Variants in NKAIN2 observed in about 807,000 individuals in gnomAD.
NKAIN2 encodes the protein sodium/potassium transporting ATPase interacting 2, also known as sodium/potassium-transporting ATPase subunit beta-1-interacting protein 2.
A neutral mutation model predicts 32.6 loss-of-function variants in NKAIN2; 14 were observed. The ratio of observed to expected loss-of-function variants is 0.43; its 90% CI spans 0.28 to 0.67. NKAIN2 has a LOEUF of 0.67. Ranked by LOEUF, NKAIN2 falls within the 30% of genes least tolerant of loss-of-function variation. The pLI, the probability that NKAIN2 is intolerant of heterozygous loss-of-function variation, is 0.17. For missense variants in NKAIN2, 198 were observed against 258.3 expected (o/e 0.77, Z 1.60); for synonymous variants, 80 against 87.2 (o/e 0.92, Z 0.46).
At chr6:124,094,375 A>T (rs1784562375) in intron 1 of NKAIN2, among the ~76,000 whole-genome samples, 1 of 152,152 alleles carries the variant, frequency 6.6e-6, no homozygotes, top group African/African-American at 2.4e-5. Context: ...TGAAGTTAAT[A>T]TTTAATGTAA....
chr6:124,283,143 G>GT lies in NKAIN2; in HGVS notation c.192+2dup. The GT allele has an allele frequency of 6.3e-7, 1 of 1,599,470 alleles. No homozygotes were observed. Among genetic ancestry groups the GT allele is most frequent in the Non-Finnish European group, 8.6e-7 (1 of 1,167,036 alleles). The stretch of plus-strand genomic sequence containing the variant: ...ATATAGACCTCGTTACATAACAGGA[G>GT]TAAGTACATTTTCTGCCTTTTAAAA... On this transcript the variant is annotated splice_donor_variant, in intron 2 of 6. Coordinates refer to ENST00000368417, the MANE Select transcript of NKAIN2 (RefSeq NM_001040214.3). LOFTEE classifies it high-confidence loss of function.
intron 1 of NKAIN2, among the ~76,000 whole-genome samples, chr6:124,047,299 T>C (rs1782185541): frequency 6.6e-6 from 1 of 152,042 alleles, no homozygotes; most frequent in Non-Finnish European, 1.5e-5. Flanking sequence ...TTGCCACAAA[T>C]AACTATTTAG....
intron 1 of NKAIN2, among the ~76,000 whole-genome samples, chr6:123,969,688 A>C (rs567795486): frequency 5.6e-4 from 86 of 152,246 alleles, no homozygotes; most frequent in African/African-American, 1.9e-3. Flanking sequence ...AACAGAATCC[A>C]CTCTGGATAC....
At chr6:123,926,325 T>A (rs1218601992) in intron 1 of NKAIN2, among the ~76,000 whole-genome samples, 2 of 152,214 alleles carry the variant, frequency 1.3e-5, no homozygotes, top group Admixed American at 1.3e-4. Context: ...AGCTGTCTTC[T>A]GGACACTACT....
rs146094908 is a variant in NKAIN2 at position 123,865,572 on chromosome 6, A to G, written c.54+61318A>G. ...TTATTTTTGTTATATGTTTTATTCTATGTGTAAACTAAAATATTTCCAAAT... is the reference window on the plus strand; with the variant it reads ...TTATTTTTGTTATATGTTTTATTCTGTGTGTAAACTAAAATATTTCCAAAT... On this transcript the variant is annotated intron_variant, in intron 1 of 6. Coordinates refer to ENST00000368417, the MANE Select transcript of NKAIN2 (RefSeq NM_001040214.3). Among the ~76,000 whole-genome samples, 254 of 152,310 alleles carry G rather than the reference A, an allele frequency of 1.7e-3. 2 individuals are homozygous for G. Among genetic ancestry groups the G allele is most frequent in the African/African-American group, 5.8e-3 (240 of 41,578 alleles).
In NKAIN2 at chr6:124,330,432, C is replaced by A. The variant is rs572166517; in HGVS notation, c.193-24835C>A. On this transcript the variant is annotated intron_variant, in intron 2 of 6. Transcript: ENST00000368417. The stretch of plus-strand genomic sequence containing the variant: ...CAATTCAGTAGCAATAGAAGCTGAT[C>A]CCATGTAGAGCACTGAAGCTGGGCT... Among the ~76,000 whole-genome samples the A allele has an allele frequency of 2.6e-5, 4 of 152,246 alleles. No homozygotes were observed. In the South Asian group the frequency reaches 8.3e-4, roughly 32 times the overall value.
intron 1 of NKAIN2, among the ~76,000 whole-genome samples, chr6:124,129,217 A>G (rs551767884): frequency 3.9e-5 from 6 of 152,308 alleles, no homozygotes; most frequent in African/African-American, 1.4e-4. Context: ...CTTTTTGTCA[A>G]GAGTTGAAAA....
chr6:124,325,184 A>G (rs1240861626), intron 2 of NKAIN2, among the ~76,000 whole-genome samples: 2 of 152,132 alleles, frequency 1.3e-5, no homozygotes, highest in Admixed American at 6.5e-5. Flanking sequence ...TCAGGCTCAG[A>G]CAATTGCACT....
At chr6:124,165,367 C>T (rs919828467) in intron 1 of NKAIN2, among the ~76,000 whole-genome samples, 7 of 151,970 alleles carry the variant, frequency 4.6e-5, no homozygotes, top group Non-Finnish European at 8.8e-5. Context: ...AAAACTTCTA[C>T]TAGTGAGAAA....
chr6:124,155,581 T>A (rs1562390262), intron 1 of NKAIN2, among the ~76,000 whole-genome samples: 1 of 151,710 alleles, frequency 6.6e-6, no homozygotes, highest in Non-Finnish European at 1.5e-5. Flanking sequence ...AAAACATATG[T>A]GTGTAATATA....
At chr6:124,223,137 C>G (rs903187057) in intron 1 of NKAIN2, among the ~76,000 whole-genome samples, 2 of 144,150 alleles carry the variant, frequency 1.4e-5, no homozygotes, top group Non-Finnish European at 3.0e-5. Flanking sequence ...CATTTCGACC[C>G]GGGAGGTGGA....
At chr6:123,862,064 C>G (rs1775806547) in intron 1 of NKAIN2, among the ~76,000 whole-genome samples, 2 of 152,130 alleles carry the variant, frequency 1.3e-5, no homozygotes, top group African/African-American at 4.8e-5. Context: ...ATAATATAAT[C>G]AAGAAGTTTT....
At chr6:124,524,813 A>C (rs1562237537) in intron 3 of NKAIN2, among the ~76,000 whole-genome samples, 1 of 152,188 alleles carries the variant, frequency 6.6e-6, no homozygotes, top group Non-Finnish European at 1.5e-5. Flanking sequence ...TGCTTTTTTC[A>C]CATAAAACTG....
At chr6:124,803,092 T>C (rs1427279952) in intron 5 of NKAIN2, among the ~76,000 whole-genome samples, 1 of 152,166 alleles carries the variant, frequency 6.6e-6, no homozygotes, top group Non-Finnish European at 1.5e-5. Flanking sequence ...TGTCTCCTGC[T>C]CAACCATGCT....
At chr6:124,394,665 AAAAC>A (rs1461455597) in intron 3 of NKAIN2, among the ~76,000 whole-genome samples, 2 of 151,992 alleles carry the variant, frequency 1.3e-5, no homozygotes, top group Admixed American at 6.6e-5. Flanking sequence ...AAAAAAAAAA[AAAAC>A]AGTGTCCCAG....
chr6:123,879,110 G>A (rs1452236867), intron 1 of NKAIN2, among the ~76,000 whole-genome samples: 1 of 152,180 alleles, frequency 6.6e-6, no homozygotes. Context: ...TGCATTGAGA[G>A]TTCTCATGAT....
intron 1 of NKAIN2, among the ~76,000 whole-genome samples, chr6:123,913,586 G>A (rs750005610): frequency 6.6e-6 from 1 of 152,110 alleles, no homozygotes; most frequent in African/African-American, 2.4e-5. Flanking sequence ...TCATTTTGAA[G>A]GTTTAGAATG....
intron 1 of NKAIN2, among the ~76,000 whole-genome samples, chr6:123,992,485 G>A (rs986212400): frequency 1.8e-4 from 28 of 152,268 alleles, no homozygotes; most frequent in African/African-American, 6.3e-4. Flanking sequence ...ATGGATGAAA[G>A]TATTAAAGTG....
At chr6:124,812,998 G>C (rs184605950) in intron 5 of NKAIN2, among the ~76,000 whole-genome samples, 1 of 146,050 alleles carries the variant, frequency 6.8e-6, no homozygotes. Context: ...ATGCCAAGTC[G>C]CATGAAAGAA....
Sources: gnomAD v4.1 joint callset for allele counts (sites outside exome capture counted in the v4.1 genomes callset) on GRCh38, gnomAD v4.1.1 for gene constraint, MANE v1.5 for transcripts, NCBI Gene and HGNC (gene_info 2026-07-23, HGNC 2026-07-21) for gene names.